Variants in ADAP1 observed in about 807,000 individuals in gnomAD.
The protein encoded by ADAP1 is ArfGAP with dual PH domains 1, also known as arf-GAP with dual PH domain-containing protein 1.
Under a neutral mutation model 54.9 loss-of-function variants are expected in ADAP1, and 31 were observed. The observed-to-expected ratio is 0.56, with a 90% confidence interval of 0.42 to 0.76. The LOEUF is 0.76. Ranked by LOEUF, ADAP1 falls within the 30% of genes least tolerant of loss-of-function variation. The pLI is 0.00. For missense variants in ADAP1, 535 were observed against 512.4 expected (o/e 1.04, Z -0.42); for synonymous variants, 313 against 202.6 (o/e 1.55, Z -4.63).
chr7:905,635 G>GGAAAGGAGAAAGGGAAAGGGGAAAGGA (rs1845188609), intron 4 of ADAP1: 4 of 29,344 alleles, frequency 1.4e-4, no homozygotes, highest in Non-Finnish European at 2.5e-4. Context: ...AAGGAGAAAG[G>GGAAAGGAGAAAGGGAAAGGGGAAAGGA]GAAAGGAGAA....
chr7:898,780 C>G lies in ADAP1; in HGVS notation c.*141G>C, dbSNP rs1016283680. 2 of 1,126,216 alleles carry G rather than the reference C, an allele frequency of 1.8e-6. No individual in the cohort carries two copies. Among genetic ancestry groups the G allele is most frequent in the African/African-American group, 1.5e-5 (1 of 64,684 alleles). 69.8% of individuals were successfully genotyped at this position (1,126,216 alleles called of 1,614,324 possible). ...GAGAAGCATCCTGGAAGCTGAAGCT[C>G]GGGCCCTACCTGGCCGCGCCGGGCT... is the stretch of plus-strand genomic sequence containing the variant. On this transcript the variant is annotated 3_prime_UTR_variant, in exon 11 of 11. Coordinates refer to ENST00000265846, the MANE Select transcript of ADAP1 (RefSeq NM_006869.4).
intron 3 of ADAP1, among the ~76,000 whole-genome samples, chr7:925,492 C>A (rs977056027): frequency 1.3e-5 from 2 of 152,166 alleles, no homozygotes; most frequent in Non-Finnish European, 2.9e-5. Context: ...AACCCCCACC[C>A]GCCTTCCAGG....
In ADAP1 at chr7:945,711, C is replaced by T. The variant is rs971886975; in HGVS notation, c.82+8685G>A. 2.0e-6 allele frequency: 2 copies of T among 983,186 alleles called. No homozygotes were observed. Among genetic ancestry groups the T allele is most frequent in the Non-Finnish European group, 2.4e-6 (2 of 827,780 alleles). The allele number at this position is 983,186 out of a possible 1,614,324, so 60.9% of individuals were successfully genotyped here. ...AGCTGCCTCCTCCTCGGAGACTGCC[C>T]ACAGCCGCCAGCCTCTTTCCCTCCC... On this transcript the variant is annotated intron_variant, in intron 1 of 10. Coordinates refer to ENST00000265846, the MANE Select transcript of ADAP1 (RefSeq NM_006869.4). This position sits in a 1 kb window ranked among gnomAD's most constrained non-coding sequence, Gnocchi z 4.2.
intron 3 of ADAP1, chr7:922,860 A>ACCCCCGCCG (rs1846240260): frequency 7.2e-5 from 1 of 13,894 alleles, no homozygotes; most frequent in Admixed American, 7.4e-4. Flanking sequence ...CACCCCCGCC[A>ACCCCCGCCG]CCCCCGCCCC....
intron 1 of ADAP1, among the ~76,000 whole-genome samples, chr7:950,938 G>T (rs938439620): frequency 6.6e-6 from 1 of 151,742 alleles, no homozygotes; most frequent in African/African-American, 2.4e-5. Context: ...GAAATCTGGA[G>T]CCCTTGTTGA....
intron 4 of ADAP1, among the ~76,000 whole-genome samples, chr7:908,694 G>C (rs866216993): frequency 2.0e-4 from 30 of 152,324 alleles, no homozygotes; most frequent in Middle Eastern, 3.4e-3. Context: ...CTTTGGACGC[G>C]GCGCTTCGTG....
intron 6 of ADAP1, among the ~76,000 whole-genome samples, chr7:902,477 A>ATGCCTGGGCGTGGTGGTGCGCACCTAT (rs1554270766): frequency 2.5e-4 from 36 of 142,522 alleles, no homozygotes; most frequent in Non-Finnish European, 4.7e-4. Context: ...AAAAAGAAAG[A>ATGCCTGGGCGTGGTGGTGCGCACCTAT]AAAGAAAGAA....
chr7:919,467 C>T (rs76307100), intron 4 of ADAP1, among the ~76,000 whole-genome samples: 51 of 151,618 alleles, frequency 3.4e-4, no homozygotes, highest in Non-Finnish European at 3.5e-4. Flanking sequence ...TCCGGGGACG[C>T]GGGTTCAAAC....
intron 5 of ADAP1, 49 bp downstream of exon 5, chr7:905,011 G>C (rs532815161): frequency 6.4e-7 from 1 of 1,554,248 alleles, no homozygotes; most frequent in Non-Finnish European, 8.8e-7. Flanking sequence ...TGGGAGGCCG[G>C]GATGCCGCCC....
In ADAP1 at chr7:900,159, C is replaced by T. The variant is rs1421046153; in HGVS notation, c.738G>A (p.Val246=). 1.2e-6 allele frequency: 2 copies of T among 1,613,192 alleles called. No individual in the cohort carries two copies. The highest frequency in any genetic ancestry group is 1.7e-6 in the Non-Finnish European group (2 of 1,179,936). ...TCAGGTAGTTCCTGGAGAGCTTTGG[C>T]ACCAGCTAGGGCAGGACACACCAGG... ...AFPGAGDADL[V]PKLSRNYLKE... The change falls in exon 8 of 11, where the codon GTG becomes GTA. Residue 246 remains valine, a synonymous_variant. Transcript: ENST00000265846.
At chr7:903,502 A>T (rs1178581133) in intron 6 of ADAP1, among the ~76,000 whole-genome samples, 1 of 152,190 alleles carries the variant, frequency 6.6e-6, no homozygotes, top group Non-Finnish European at 1.5e-5. Context: ...CCGTGTGCAC[A>T]CAGACGTGTG....
rs150366342 is a variant in ADAP1 at position 898,428 on chromosome 7, T to C, written c.*493A>G. On this transcript the variant is annotated 3_prime_UTR_variant, in exon 11 of 11. Transcript: ENST00000265846. ...CCACCCAAACACCCCACGGCCCTCA[T>C]AGCCCCGTGACACACAACAGGCGCT... is the stretch of plus-strand genomic sequence containing the variant. The C allele has an allele frequency of 9.8e-3, 2,051 of 209,462 alleles. 27 individuals carry two copies. Among genetic ancestry groups the C allele is most frequent in the African/African-American group, 0.029 (1,264 of 43,072 alleles). The allele number at this position is 209,462 out of a possible 1,614,324, so 13.0% of individuals were successfully genotyped here. A position where few individuals can be genotyped will look rare whatever the true frequency, so the allele number is the denominator to read the frequency against.
intron 4 of ADAP1, among the ~76,000 whole-genome samples, chr7:912,588 G>A (rs1259592781): frequency 1.3e-5 from 2 of 152,208 alleles, no homozygotes; most frequent in African/African-American, 4.8e-5. Context: ...CTTCTCCCCC[G>A]GTCCTTTGTC....
At chr7:911,854 G>A (rs1313878146) in intron 4 of ADAP1, among the ~76,000 whole-genome samples, 2 of 152,176 alleles carry the variant, frequency 1.3e-5, no homozygotes, top group East Asian at 1.9e-4. Context: ...ACCCAGAGAG[G>A]GGCAATGGGG....
chr7:906,671 ACATGG>A (rs1845407961), intron 4 of ADAP1, among the ~76,000 whole-genome samples: 8 of 94,046 alleles, frequency 8.5e-5, no homozygotes, highest in African/African-American at 4.1e-4. Context: ...GGGAAAGGGG[ACATGG>A]ACAGGGGACA....
At chr7:905,437 AAGGGAGAAAG>A (rs1845128939) in intron 4 of ADAP1, 1 of 120,644 alleles carries the variant, frequency 8.3e-6, no homozygotes, top group Admixed American at 1.0e-4. Flanking sequence ...AGAAAGGAGA[AAGGGAGAAAG>A]GGAGAAAGGG....
chr7:949,084 G>C (rs1241381894), intron 1 of ADAP1, among the ~76,000 whole-genome samples: 1 of 152,262 alleles, frequency 6.6e-6, no homozygotes, highest in Non-Finnish European at 1.5e-5. Context: ...CCAAGGAACA[G>C]CAGATGCTGA....
chr7:919,668 G>C (rs978963215), intron 4 of ADAP1, among the ~76,000 whole-genome samples: 1 of 91,708 alleles, frequency 1.1e-5, no homozygotes, highest in Non-Finnish European at 2.1e-5. Flanking sequence ...GATAAAGAGA[G>C]ACAGAAGGAG....
intron 1 of ADAP1, among the ~76,000 whole-genome samples, chr7:951,283 G>A (rs1051595821): frequency 6.6e-6 from 1 of 151,766 alleles, no homozygotes; most frequent in Non-Finnish European, 1.5e-5. Context: ...TGAGGCAGGA[G>A]AATGGTGTGA....
Sources: gnomAD v4.1 joint callset for allele counts (sites outside exome capture counted in the v4.1 genomes callset) on GRCh38, gnomAD v4.1.1 for gene constraint, Gnocchi (gnomAD v3.1) non-coding constraint, MANE v1.5 for transcripts, NCBI Gene and HGNC (gene_info 2026-07-23, HGNC 2026-07-21) for gene names.